SGCD: variants seen among roughly 807,000 people sequenced by gnomAD.
SGCD encodes the protein delta-sarcoglycan.
Under a neutral mutation model 36.6 loss-of-function variants are expected in SGCD, and 18 were observed. The observed-to-expected ratio is 0.49, with a 90% CI of 0.34 to 0.73. SGCD has a LOEUF of 0.73. SGCD is among the 30% of genes least tolerant of loss of function. The pLI, the probability that SGCD is intolerant of heterozygous loss-of-function variation, is 0.01. For missense variants in SGCD, 387 were observed against 346.7 expected (o/e 1.12, Z -0.92); for synonymous variants, 133 against 130.6 (o/e 1.02, Z -0.12).
chr5:155,907,720 A>G (rs1756548689), intron 1 of SGCD, among the ~76,000 whole-genome samples: 1 of 152,178 alleles, frequency 6.6e-6, no homozygotes, highest in African/African-American at 2.4e-5. Flanking sequence ...TAAGCAAGGA[A>G]AGTGGTTCCT....
At chr5:155,970,062 C>T (rs1223391353) in intron 1 of SGCD, among the ~76,000 whole-genome samples, 1 of 151,878 alleles carries the variant, frequency 6.6e-6, no homozygotes, top group Non-Finnish European at 1.5e-5. Flanking sequence ...GTTGATGATA[C>T]CATAAGCCTC....
chr5:156,308,862 A>G (rs1004384492), intron 3 of SGCD, among the ~76,000 whole-genome samples: 16 of 152,156 alleles, frequency 1.1e-4, no homozygotes, highest in Non-Finnish European at 1.6e-4. Flanking sequence ...GAAATTGCTC[A>G]GCTTTTCTTT....
At position 156,049,089 on chromosome 5, in the gene SGCD, T is replaced by C. The variant is rs558799457; in HGVS notation, c.-281-68789T>C. On this transcript the variant is annotated intron_variant, in intron 1 of 9. Coordinates refer to the SGCD transcript ENST00000517913. The stretch of plus-strand genomic sequence containing the variant: ...CCATTTATTAAATAGGGAATCCTTT[T>C]CCCATTTCTTGTTTTTGTCAGGTTT... Among the ~76,000 whole-genome samples the C allele has an allele frequency of 4.0e-3, 576 of 145,652 alleles. 37 individuals are homozygous for C. Among genetic ancestry groups the C allele is most frequent in the African/African-American group, 0.013 (541 of 40,670 alleles).
the SGCD span, among the ~76,000 whole-genome samples, chr5:155,858,581 C>CT: frequency 6.6e-6 from 1 of 152,108 alleles, no homozygotes; most frequent in South Asian, 2.1e-4. Flanking sequence ...AGCAAATCAA[C>CT]TTTTTTTCAC....
chr5:156,054,324 G>C (rs1581066069), intron 1 of SGCD, among the ~76,000 whole-genome samples: 2 of 132,276 alleles, frequency 1.5e-5, no homozygotes, highest in East Asian at 2.0e-4. Context: ...CTCGCTCTGT[G>C]GCCCAGGCTG....
At chr5:156,101,343 T>A (rs1761510746) in intron 1 of SGCD, among the ~76,000 whole-genome samples, 2 of 152,174 alleles carry the variant, frequency 1.3e-5, no homozygotes, top group African/African-American at 4.8e-5. Flanking sequence ...TTGAAACCTA[T>A]TTGGGTACAT....
chr5:156,185,362 C>G (rs921424830), intron 3 of SGCD, among the ~76,000 whole-genome samples: 3 of 151,720 alleles, frequency 2.0e-5, no homozygotes, highest in South Asian at 2.1e-4. Flanking sequence ...CTACAGGCGC[C>G]CGCCACCATG....
In SGCD at chr5:156,101,003, C is replaced by G. The variant is rs374099198; in HGVS notation, c.-281-16875C>G. On this transcript the variant is annotated intron_variant, in intron 1 of 9. Transcript: ENST00000517913. ...GTTATTAGGCCTGGAGAGTGGAGCC[C>G]TCATGAATGGGATTTGTGCACCTAT... 3.1e-4 allele frequency among the ~76,000 whole-genome samples: 47 copies of G among 152,190 alleles called. No individual in the cohort carries two copies. In the East Asian group the frequency reaches 7.0e-3, roughly 23 times the overall value.
intron 3 of SGCD, among the ~76,000 whole-genome samples, chr5:156,432,158 C>T (rs983774889): frequency 6.6e-6 from 1 of 152,204 alleles, no homozygotes; most frequent in African/African-American, 2.4e-5. Context: ...AGCATCTGCT[C>T]TGATGGAGGT....
rs148866493 is a variant in SGCD at position 156,734,575 on chromosome 5, T to A, written c.576-23006T>A. The stretch of plus-strand genomic sequence containing the variant: ...CCATATTTCTCAGAGGTTTTCATCA[T>A]TCCATTTCATTATTTTTTCTCTAGT... On this transcript the variant is annotated intron_variant, in intron 7 of 8. Coordinates refer to ENST00000337851, the MANE Select transcript of SGCD (RefSeq NM_000337.6). Among the ~76,000 whole-genome samples, 1,029 of 152,326 alleles carry A rather than the reference T, an allele frequency of 6.8e-3. 5 individuals carry two copies. Among genetic ancestry groups the A allele is most frequent in the Non-Finnish European group, 0.012 (784 of 68,018 alleles).
the SGCD span, among the ~76,000 whole-genome samples, chr5:155,846,473 T>C: frequency 1.3e-5 from 2 of 152,180 alleles, no homozygotes; most frequent in African/African-American, 4.8e-5. Context: ...GGTGATTGGG[T>C]GAGACTTCTT....
At chr5:156,721,465 G>A (rs1755498578) in intron 7 of SGCD, among the ~76,000 whole-genome samples, 1 of 152,194 alleles carries the variant, frequency 6.6e-6, no homozygotes, top group Non-Finnish European at 1.5e-5. Context: ...CTGGAAGATT[G>A]ACTAATGAAA....
chr5:156,224,251 C>A (rs1487844224), intron 3 of SGCD, among the ~76,000 whole-genome samples: 2 of 152,000 alleles, frequency 1.3e-5, no homozygotes, highest in Non-Finnish European at 2.9e-5. Context: ...CCTATTCTCT[C>A]AGACCCAGAG....
chr5:156,514,938 A>G (rs1406802096), intron 4 of SGCD, among the ~76,000 whole-genome samples: 1 of 152,196 alleles, frequency 6.6e-6, no homozygotes, highest in Non-Finnish European at 1.5e-5. Context: ...CGCTACCTTC[A>G]TCTCCTTCTG....
the SGCD span, among the ~76,000 whole-genome samples, chr5:155,778,007 CT>C: frequency 6.6e-6 from 1 of 152,104 alleles, no homozygotes. Context: ...TCTTTTGTTT[CT>C]TTTAAAATGC....
At chr5:155,801,146 T>C in the SGCD span, among the ~76,000 whole-genome samples, 1 of 152,146 alleles carries the variant, frequency 6.6e-6, no homozygotes, top group South Asian at 2.1e-4. Context: ...GGGTAGGCGT[T>C]TTTCTCTGTT....
At chr5:155,738,925 G>A in the SGCD span, among the ~76,000 whole-genome samples, 4 of 139,882 alleles carry the variant, frequency 2.9e-5, no homozygotes, top group East Asian at 2.4e-4. Flanking sequence ...GTGTGTTTGC[G>A]TGTGAGAGAG....
intron 3 of SGCD, among the ~76,000 whole-genome samples, chr5:156,277,755 C>T (rs1766353207): frequency 6.6e-6 from 1 of 152,132 alleles, no homozygotes; most frequent in Admixed American, 6.6e-5. Context: ...GCAAACTAGC[C>T]TTTCCCGTTA....
chr5:156,736,152 C>CTGGATGT (rs996788328), intron 7 of SGCD, among the ~76,000 whole-genome samples: 1 of 152,172 alleles, frequency 6.6e-6, no homozygotes, highest in Non-Finnish European at 1.5e-5. Flanking sequence ...TGTTGACTGT[C>CTGGATGT]TGGATGTGTC....
Sources: allele counts gnomAD v4.1 joint callset (sites outside exome capture counted in the v4.1 genomes callset), GRCh38; gene constraint gnomAD v4.1.1; transcripts MANE v1.5; gene names NCBI Gene and HGNC (gene_info 2026-07-23, HGNC 2026-07-21).